DNAH3: variants seen among roughly 807,000 people sequenced by gnomAD.
DNAH3 encodes dynein axonemal heavy chain 3.
In DNAH3, 332 loss-of-function variants were observed where a neutral mutation model predicts 432.5. That is an observed-to-expected ratio of 0.77 (90% CI 0.70 to 0.84). DNAH3 has a LOEUF of 0.84. Among genes scored for constraint, DNAH3 ranks in the 40% least tolerant of loss-of-function variants. The pLI is 0.00. For missense variants in DNAH3, 4,861 were observed against 5,114.0 expected (o/e 0.95, Z 1.51); for synonymous variants, 1,956 against 1,900.2 (o/e 1.03, Z -0.76).
chr16:20,969,926 T>C (rs746918839), exon 52 of DNAH3: 2 of 1,614,104 alleles, frequency 1.2e-6, no homozygotes, highest in Non-Finnish European at 1.7e-6. Flanking sequence ...GTTCAGGGTG[T>C]CCAGAGCAGC....
chr16:21,081,816 T>A, intron 19 of DNAH3, 89 bp from the exon 20 acceptor site: 1 of 1,074,950 alleles, frequency 9.3e-7, no homozygotes, highest in East Asian at 2.4e-5. Context: ...GTTCTTTTTA[T>A]CTGCACTGCT....
chr16:20,985,674 A>T, exon 48 of DNAH3: 1 of 1,614,076 alleles, frequency 6.2e-7, no homozygotes, highest in Non-Finnish European at 8.5e-7. Flanking sequence ...TTCGAATGTT[A>T]TCATCGACTA....
At chr16:20,978,528 A>C (rs1416714714) in intron 50 of DNAH3, among the ~76,000 whole-genome samples, 1 of 152,104 alleles carries the variant, frequency 6.6e-6, no homozygotes, top group East Asian at 1.9e-4. Flanking sequence ...TTGCGTCTCG[A>C]AAGAAATAAT....
At chr16:21,042,813 C>T (rs1343302918) in intron 31 of DNAH3, among the ~76,000 whole-genome samples, 1 of 152,092 alleles carries the variant, frequency 6.6e-6, no homozygotes, top group Non-Finnish European at 1.5e-5. Flanking sequence ...CGATGCTATC[C>T]CTCCCCACTC....
chr16:21,006,487 C>T (rs1282997364), intron 41 of DNAH3, among the ~76,000 whole-genome samples: 1 of 152,126 alleles, frequency 6.6e-6, no homozygotes, highest in African/African-American at 2.4e-5. Context: ...CCACAATCAA[C>T]TTTAGAACTT....
At chr16:20,985,412 C>T (rs146558827) in exon 48 of DNAH3, 48 of 1,614,106 alleles carry the variant, frequency 3.0e-5, no homozygotes, top group Middle Eastern at 1.7e-4. Context: ...GACAGTTTGG[C>T]GGCACTTTGC....
At chr16:21,079,345 C>A (rs1484887320) in intron 20 of DNAH3, among the ~76,000 whole-genome samples, 1 of 152,128 alleles carries the variant, frequency 6.6e-6, no homozygotes, top group East Asian at 1.9e-4. Context: ...GTGTTAAGGT[C>A]GGGCATGGTG....
At chr16:21,037,854 C>T in exon 34 of DNAH3, 1 of 1,614,230 alleles carries the variant, frequency 6.2e-7, no homozygotes, top group Non-Finnish European at 8.5e-7. Context: ...CCTCTGGATA[C>T]TTGAGCTTCA....
At chr16:20,948,056 G>A (rs994238282) in intron 57 of DNAH3, among the ~76,000 whole-genome samples, 6 of 152,144 alleles carry the variant, frequency 3.9e-5, no homozygotes, top group Admixed American at 1.3e-4. Flanking sequence ...GATTACAGGC[G>A]TGAGCCACAG....
chr16:20,975,115 GCCA>G (rs1407847216), intron 51 of DNAH3, 115 bp downstream of exon 51: 14 of 1,229,294 alleles, frequency 1.1e-5, no homozygotes, highest in Admixed American at 4.3e-5. Flanking sequence ...ACAGCTGTGA[GCCA>G]CCATGCCCAG....
At position 21,136,687 on chromosome 16, in the gene DNAH3, G is replaced by A. The variant is rs2092647848; in HGVS notation, c.697-174C>T. ...TCACACTCATGGCAAGAAGATCACTGGCAAATTTTCCCCAGGACTTCAGAG... is the reference window on the plus strand; with the variant it reads ...TCACACTCATGGCAAGAAGATCACTAGCAAATTTTCCCCAGGACTTCAGAG... On this transcript the variant is annotated intron_variant, in intron 5 of 61. Transcript: ENST00000261383. 7 of 630,594 alleles carry A rather than the reference G, an allele frequency of 1.1e-5. No homozygotes were observed. The South Asian group carries it at 1.3e-4, about 12-fold the overall frequency. The allele number at this position is 630,594 out of a possible 1,614,324, so 39.1% of individuals were successfully genotyped here. A position where few individuals can be genotyped will look rare whatever the true frequency, so the allele number is the denominator to read the frequency against.
chr16:21,124,688 C>T (rs2092411204), intron 9 of DNAH3, among the ~76,000 whole-genome samples: 3 of 151,084 alleles, frequency 2.0e-5, no homozygotes, highest in Non-Finnish European at 4.4e-5. Flanking sequence ...TCACTCTTGT[C>T]GCCCAGGCTG....
At chr16:21,040,310 T>C (rs1184516351) in intron 32 of DNAH3, among the ~76,000 whole-genome samples, 4 of 149,484 alleles carry the variant, frequency 2.7e-5, no homozygotes, top group African/African-American at 9.9e-5. Context: ...AGAAGTCATT[T>C]AGGAATGCAG....
At chr16:21,101,820 C>T (rs760159735) in intron 16 of DNAH3, among the ~76,000 whole-genome samples, 10 of 152,184 alleles carry the variant, frequency 6.6e-5, no homozygotes, top group Non-Finnish European at 1.5e-4. Flanking sequence ...ACTCTCCCAC[C>T]TCCTGCAGGG....
At chr16:20,965,157 C>A (rs760518933) in exon 53 of DNAH3, 6 of 1,614,136 alleles carry the variant, frequency 3.7e-6, no homozygotes, top group Non-Finnish European at 4.2e-6. Flanking sequence ...CCTCTGCCTC[C>A]CTCAGTCGCT....
chr16:21,022,711 A>AT (rs1056808906), intron 39 of DNAH3, among the ~76,000 whole-genome samples: 5 of 148,926 alleles, frequency 3.4e-5, no homozygotes, highest in Admixed American at 2.7e-4. Flanking sequence ...CCTTTGTTAT[A>AT]TTTTTTTTAA....
exon 62 of DNAH3, chr16:20,933,150 G>A (rs1290859007): frequency 1.9e-6 from 3 of 1,605,972 alleles, no homozygotes; most frequent in Admixed American, 1.7e-5. Context: ...TGAGACAAAT[G>A]CCATCAGTTA....
intron 9 of DNAH3, among the ~76,000 whole-genome samples, chr16:21,123,443 T>A (rs1390918732): frequency 6.6e-6 from 1 of 152,226 alleles, no homozygotes; most frequent in East Asian, 1.9e-4. Context: ...TACATTTCCC[T>A]TTGTGTGGAA....
intron 21 of DNAH3, 111 bp downstream of exon 21, chr16:21,075,336 C>T (rs986950705): frequency 2.0e-5 from 16 of 792,486 alleles, no homozygotes; most frequent in East Asian, 7.5e-5. Flanking sequence ...AAGACATGAG[C>T]GATTATTTCT....
Sources: gnomAD v4.1 joint callset for allele counts (sites outside exome capture counted in the v4.1 genomes callset) on GRCh38, gnomAD v4.1.1 for gene constraint, MANE v1.5 for transcripts, NCBI Gene and HGNC (gene_info 2026-07-23, HGNC 2026-07-21) for gene names.